UNC5D: variants seen among roughly 807,000 people sequenced by gnomAD.
UNC5D encodes unc-5 netrin receptor D, also known as netrin receptor UNC5D.
In UNC5D, 39 loss-of-function variants were observed where a neutral mutation model predicts 105.4. The ratio of observed to expected loss-of-function variants is 0.37; its 90% CI spans 0.29 to 0.48. The LOEUF is 0.48. Among genes scored for constraint, UNC5D ranks in the 20% least tolerant of loss-of-function variants. UNC5D has a pLI of 0.98. For synonymous variants in UNC5D, 452 were observed against 450.4 expected, an observed-to-expected ratio of 1.00 and a Z score of -0.04; for missense variants, 991 against 1,202.4, an observed-to-expected ratio of 0.82 and a Z score of 2.60.
intron 10 of UNC5D, among the ~76,000 whole-genome samples, chr8:35,730,273 G>A (rs2131571137): frequency 6.6e-6 from 1 of 152,312 alleles, no homozygotes; most frequent in South Asian, 2.1e-4. Flanking sequence ...GGACATTTAA[G>A]ATGCAGTGAG....
At chr8:35,613,393 AGGAGTCGT>A (rs1307708711) in intron 4 of UNC5D, among the ~76,000 whole-genome samples, 1 of 152,206 alleles carries the variant, frequency 6.6e-6, no homozygotes, top group Non-Finnish European at 1.5e-5. Flanking sequence ...TTTGCACTGC[AGGAGTCGT>A]TGTTGAGTGT....
chr8:35,514,612 A>G (rs1812993745), intron 1 of UNC5D, among the ~76,000 whole-genome samples: 2 of 152,380 alleles, frequency 1.3e-5, no homozygotes, highest in South Asian at 4.1e-4. Flanking sequence ...ATAGCTTTGA[A>G]CATTGCTTTA....
intron 1 of UNC5D, among the ~76,000 whole-genome samples, chr8:35,249,046 TA>T (rs1434250092): frequency 8.1e-5 from 9 of 111,202 alleles, no homozygotes; most frequent in Non-Finnish European, 3.4e-5. Flanking sequence ...ATATATTATA[TA>T]AAAATAATAT....
At chr8:35,616,427 A>G (rs1388088870) in intron 4 of UNC5D, among the ~76,000 whole-genome samples, 2 of 152,238 alleles carry the variant, frequency 1.3e-5, no homozygotes, top group Non-Finnish European at 2.9e-5. Flanking sequence ...AGAACATACA[A>G]GCCTCCTGCT....
intron 4 of UNC5D, among the ~76,000 whole-genome samples, chr8:35,629,586 C>T (rs556051093): frequency 1.2e-4 from 18 of 151,998 alleles, no homozygotes; most frequent in African/African-American, 3.6e-4. Flanking sequence ...ATAATCGATT[C>T]GGTGCAGTGT....
chr8:35,496,087 G>A (rs1053008487), intron 1 of UNC5D, among the ~76,000 whole-genome samples: 1 of 152,130 alleles, frequency 6.6e-6, no homozygotes, highest in Non-Finnish European at 1.5e-5. Context: ...TAACCAATAG[G>A]GCTGACTTAG....
At chr8:35,778,972 G>A (rs1382002843) in intron 16 of UNC5D, among the ~76,000 whole-genome samples, 2 of 152,192 alleles carry the variant, frequency 1.3e-5, no homozygotes, top group Non-Finnish European at 2.9e-5. Flanking sequence ...TGGCCTTGCC[G>A]CTTGCCTGGC....
At chr8:35,260,818 C>T (rs536663274) in intron 1 of UNC5D, among the ~76,000 whole-genome samples, 17 of 152,272 alleles carry the variant, frequency 1.1e-4, no homozygotes, top group Admixed American at 5.9e-4. Flanking sequence ...TTGCCAAAAA[C>T]GTTGTCTTTT....
chr8:35,413,195 C>T (rs1021802695), intron 1 of UNC5D, among the ~76,000 whole-genome samples: 4 of 151,168 alleles, frequency 2.6e-5, no homozygotes, highest in African/African-American at 4.9e-5. Context: ...ATGTTCCATG[C>T]TCCTGCATCT....
At chr8:35,591,882 A>C (rs1002663827) in intron 3 of UNC5D, among the ~76,000 whole-genome samples, 1 of 152,206 alleles carries the variant, frequency 6.6e-6, no homozygotes, top group Non-Finnish European at 1.5e-5. Context: ...CCAACACAGC[A>C]ATCTTCGATG....
At chr8:35,746,157 A>C (rs942470438) in intron 11 of UNC5D, among the ~76,000 whole-genome samples, 6 of 152,174 alleles carry the variant, frequency 3.9e-5, no homozygotes, top group Non-Finnish European at 7.3e-5. Flanking sequence ...ACAGAGAAGA[A>C]AAGTACAATC....
At chr8:35,393,125 C>CTTTTTT (rs34886215) in intron 1 of UNC5D, among the ~76,000 whole-genome samples, 7 of 75,098 alleles carry the variant, frequency 9.3e-5, no homozygotes, top group Non-Finnish European at 1.3e-4. Context: ...CCTATTCCTA[C>CTTTTTT]TTTTTTTTTT....
chr8:35,352,301 T>C (rs1401166352), intron 1 of UNC5D, among the ~76,000 whole-genome samples: 1 of 152,034 alleles, frequency 6.6e-6, no homozygotes, highest in Non-Finnish European at 1.5e-5. Context: ...GACATACACA[T>C]AAATAATAGT....
chr8:35,630,544 T>G (rs1310450549), intron 4 of UNC5D, among the ~76,000 whole-genome samples: 6 of 152,162 alleles, frequency 3.9e-5, no homozygotes, highest in Non-Finnish European at 7.3e-5. Context: ...CCAAGAATAT[T>G]GTGACAGTGA....
At chr8:35,501,423 C>T (rs1811966959) in intron 1 of UNC5D, among the ~76,000 whole-genome samples, 1 of 152,162 alleles carries the variant, frequency 6.6e-6, no homozygotes, top group Non-Finnish European at 1.5e-5. Context: ...AAATTCAGAT[C>T]ACTATGGGCA....
At chr8:35,742,685 G>A (rs549883145) in intron 11 of UNC5D, among the ~76,000 whole-genome samples, 9 of 152,306 alleles carry the variant, frequency 5.9e-5, no homozygotes, top group Non-Finnish European at 1.3e-4. Flanking sequence ...TAAAGAAAGC[G>A]AAGTGTTACA....
Position 35,795,967 on chromosome 8 carries a change from G to A in UNC5D, c.*5404G>A, listed in dbSNP as rs559434783. ...AAACTCAAAAAATATGAGTACTTGC[G>A]TACCTCCATTTCTGCATGAAGATTT... On this transcript the variant is annotated 3_prime_UTR_variant, in exon 17 of 17. Coordinates refer to ENST00000404895, the MANE Select transcript of UNC5D (RefSeq NM_080872.4). 27 of 152,168 alleles carry A rather than the reference G, an allele frequency of 1.8e-4. 2 individuals carry two copies. Among genetic ancestry groups the A allele is most frequent in the Admixed American group, 1.4e-3 (22 of 15,268 alleles). 9.4% of individuals were successfully genotyped at this position (152,168 alleles called of 1,614,324 possible). A position where few individuals can be genotyped will look rare whatever the true frequency, so the allele number is the denominator to read the frequency against.
At chr8:35,661,013 G>A (rs538450927) in intron 4 of UNC5D, among the ~76,000 whole-genome samples, 5 of 151,984 alleles carry the variant, frequency 3.3e-5, no homozygotes, top group African/African-American at 4.8e-5. Flanking sequence ...TGGGAGGATA[G>A]CTTGAGCCCA....
chr8:35,450,563 T>C lies in UNC5D; in HGVS notation c.104-98729T>C, dbSNP rs1808081276. On this transcript the variant is annotated intron_variant, in intron 1 of 16. Coordinates refer to ENST00000404895, the MANE Select transcript of UNC5D (RefSeq NM_080872.4). ...ACACAGGTATTATCGTTGCCTGTAT[T>C]CTTCAGAGAAAGCTATATATTATGT... 2.0e-5 allele frequency among the ~76,000 whole-genome samples: 3 copies of C among 152,330 alleles called. No individual in the cohort carries two copies. In the South Asian group the frequency reaches 6.2e-4, roughly 32 times the overall value.
Sources: allele counts gnomAD v4.1 joint callset (sites outside exome capture counted in the v4.1 genomes callset), GRCh38; gene constraint gnomAD v4.1.1; transcripts MANE v1.5; gene names NCBI Gene and HGNC (gene_info 2026-07-23, HGNC 2026-07-21).